ARID5B: variants seen among roughly 807,000 people sequenced by gnomAD.
ARID5B encodes AT-rich interaction domain 5B.
ARID5B carries 13 observed loss-of-function variants against 97.2 expected under a neutral mutation model. The observed-to-expected ratio is 0.13, with a 90% CI of 0.09 to 0.21. The LOEUF (loss-of-function observed/expected upper bound fraction) is 0.21, where lower values mean the gene tolerates loss of function less well. Ranked by LOEUF, ARID5B falls within the 10% of genes least tolerant of loss-of-function variation. The pLI, the probability that ARID5B is intolerant of heterozygous loss-of-function variation, is 1.00. For missense variants in ARID5B, 1,210 were observed against 1,465.3 expected (o/e 0.83, Z 2.84); for synonymous variants, 556 against 570.3 (o/e 0.97, Z 0.36).
chr10:61,985,166 C>A (rs1838829971), intron 3 of ARID5B, among the ~76,000 whole-genome samples: 1 of 151,850 alleles, frequency 6.6e-6, no homozygotes, highest in Non-Finnish European at 1.5e-5. Context: ...CTCTTTGCTA[C>A]CAAGATTCTG....
intron 3 of ARID5B, among the ~76,000 whole-genome samples, chr10:61,984,561 G>T (rs891284499): frequency 6.6e-6 from 1 of 152,074 alleles, no homozygotes; most frequent in Non-Finnish European, 1.5e-5. Flanking sequence ...GCAGCAGGTG[G>T]GGGGGGCCTC....
chr10:61,974,258 A>C (rs1838669897), intron 3 of ARID5B, among the ~76,000 whole-genome samples: 1 of 152,230 alleles, frequency 6.6e-6, no homozygotes, highest in Non-Finnish European at 1.5e-5. Flanking sequence ...GTGCCATTGT[A>C]ATGAGACAAT....
rs183723883 is a variant in ARID5B, at chr10:62,000,821, C to G, written c.733+500C>G. Among the ~76,000 whole-genome samples, 98 of 140,940 alleles carry G rather than the reference C, an allele frequency of 7.0e-4. No individual in the cohort carries two copies. The highest frequency in any genetic ancestry group is 2.5e-3 in the African/African-American group (91 of 36,918). The allele number at this position is 140,940 out of a possible 152,430, so 92.5% of individuals were successfully genotyped here. Reference sequence around the variant, plus strand: ...TTTAGTACTGTACAGTAGATAGACACGTAGAGAGATGATAGATAGATAGAT... The same window carrying G: ...TTTAGTACTGTACAGTAGATAGACAGGTAGAGAGATGATAGATAGATAGAT... On this transcript the variant is annotated intron_variant, in intron 4 of 9. Coordinates refer to ENST00000279873, the MANE Select transcript of ARID5B (RefSeq NM_032199.3). This position sits in a 1 kb window ranked among gnomAD's most constrained non-coding sequence, Gnocchi z 4.4.
At chr10:61,991,771 T>C (rs944198377) in intron 3 of ARID5B, among the ~76,000 whole-genome samples, 1 of 152,204 alleles carries the variant, frequency 6.6e-6, no homozygotes, top group Admixed American at 6.5e-5. Flanking sequence ...GGCTCACGCC[T>C]GTAATCCCAG....
At chr10:61,932,287 G>A (rs1284901783) in intron 2 of ARID5B, among the ~76,000 whole-genome samples, 5 of 152,178 alleles carry the variant, frequency 3.3e-5, no homozygotes, top group African/African-American at 1.2e-4. Context: ...TCTTCCGCAA[G>A]TTGTAATTTT....
At chr10:61,950,931 TTTCCAGTGGG>T (rs1315247034) in intron 3 of ARID5B, among the ~76,000 whole-genome samples, 1 of 152,234 alleles carries the variant, frequency 6.6e-6, no homozygotes, top group African/African-American at 2.4e-5. Flanking sequence ...TGATGTGGTT[TTTCCAGTGGG>T]TTCTGTGAGC....
intron 4 of ARID5B, among the ~76,000 whole-genome samples, chr10:62,041,617 C>G (rs1269780961): frequency 6.6e-6 from 1 of 152,146 alleles, no homozygotes; most frequent in African/African-American, 2.4e-5. Context: ...CCATGACATA[C>G]TCATCCAAGT....
chr10:61,912,911 G>T (rs780851200), intron 2 of ARID5B, among the ~76,000 whole-genome samples: 1 of 152,086 alleles, frequency 6.6e-6, no homozygotes, highest in African/African-American at 2.4e-5. Context: ...TTTCCCTTTG[G>T]TTTTTGCTTG....
chr10:61,991,947 G>A (rs1276872034), intron 3 of ARID5B, among the ~76,000 whole-genome samples: 6 of 152,004 alleles, frequency 3.9e-5, no homozygotes, highest in Non-Finnish European at 7.4e-5. Flanking sequence ...TAGGAGAATC[G>A]CTTGAACCCA....
chr10:62,087,298 CA>C lies in ARID5B; in HGVS notation c.1398+1418del, dbSNP rs71299289. ...TGGGTGACAGAGAGAGACTCTATCT[CA>C]AAAAAAAAAAAAAAAAAAAGGAAAA... On this transcript the variant is annotated intron_variant, in intron 9 of 9. Coordinates refer to ENST00000279873, the MANE Select transcript of ARID5B (RefSeq NM_032199.3). Among the ~76,000 whole-genome samples the C allele has an allele frequency of 7.0e-3, 285 of 40,908 alleles. 1 individual carries two copies. Among genetic ancestry groups the C allele is most frequent in the African/African-American group, 0.025 (235 of 9,456 alleles). The allele number at this position is 40,908 out of a possible 152,430, so 26.8% of individuals were successfully genotyped here.
intron 3 of ARID5B, among the ~76,000 whole-genome samples, chr10:61,991,482 T>C (rs1838924771): frequency 6.6e-6 from 1 of 152,228 alleles, no homozygotes; most frequent in Admixed American, 6.5e-5. Context: ...ATATATTCTT[T>C]GGAGAATCAT....
At chr10:62,057,382 A>G in intron 6 of ARID5B, 64 bp downstream of exon 6, 2 of 1,489,658 alleles carry the variant, frequency 1.3e-6, no homozygotes, top group South Asian at 2.3e-5. Context: ...ATTGGAAAAA[A>G]TAATTTTGAC....
intron 3 of ARID5B, among the ~76,000 whole-genome samples, chr10:61,978,711 G>A (rs1468924983): frequency 6.6e-6 from 1 of 152,180 alleles, no homozygotes; most frequent in East Asian, 1.9e-4. Context: ...CATTGATTTT[G>A]TATCCTGAGA....
chr10:61,971,535 A>G (rs1838626852), intron 3 of ARID5B, among the ~76,000 whole-genome samples: 1 of 152,266 alleles, frequency 6.6e-6, no homozygotes, highest in Non-Finnish European at 1.5e-5. Context: ...TTAAGGAAAC[A>G]GATTGGCAGT....
chr10:62,063,351 T>C (rs61150714), intron 7 of ARID5B, among the ~76,000 whole-genome samples: 2,408 of 152,306 alleles, frequency 0.016, 61 homozygotes, highest in African/African-American at 0.054. Context: ...AACTTGTGAT[T>C]GGATAAAGAC....
chr10:62,035,744 C>A (rs1272095286), intron 4 of ARID5B, among the ~76,000 whole-genome samples: 1 of 151,896 alleles, frequency 6.6e-6, no homozygotes, highest in Non-Finnish European at 1.5e-5. Context: ...CCAAAGCATA[C>A]TTTGTACAGG....
chr10:62,016,120 C>T (rs528589959), intron 4 of ARID5B, among the ~76,000 whole-genome samples: 1 of 152,286 alleles, frequency 6.6e-6, no homozygotes, highest in African/African-American at 2.4e-5. Context: ...TGTTTGCAGC[C>T]TACTGTCCAT....
At chr10:62,009,243 T>C (rs1209075603) in intron 4 of ARID5B, among the ~76,000 whole-genome samples, 1 of 152,148 alleles carries the variant, frequency 6.6e-6, no homozygotes, top group Admixed American at 6.5e-5. Context: ...AGAGTGGCTG[T>C]TTTGGCTCTC....
chr10:61,904,451 T>A (rs1199351680), intron 2 of ARID5B, among the ~76,000 whole-genome samples: 2 of 152,238 alleles, frequency 1.3e-5, no homozygotes, highest in Non-Finnish European at 2.9e-5. Context: ...GATATATTTT[T>A]AAATACACGA....
Sources: allele counts gnomAD v4.1 joint callset (sites outside exome capture counted in the v4.1 genomes callset), GRCh38; gene constraint gnomAD v4.1.1; non-coding constraint Gnocchi (gnomAD v3.1); transcripts MANE v1.5; gene names NCBI Gene and HGNC (gene_info 2026-07-23, HGNC 2026-07-21).